The following B3GALT1 variants were observed in gnomAD, a reference collection of about 807,000 sequenced individuals.
B3GALT1 encodes UDP-Gal:betaGlcNAc beta 1,3-galactosyltransferase, polypeptide 1.
A neutral mutation model predicts 23.2 loss-of-function variants in B3GALT1; 10 were observed. The ratio of observed to expected loss-of-function variants is 0.43; its 90% CI spans 0.27 to 0.73. B3GALT1 has a LOEUF of 0.73. Among genes scored for constraint, B3GALT1 ranks in the 30% least tolerant of loss-of-function variants. B3GALT1 has a pLI of 0.21. For synonymous variants in B3GALT1, 156 were observed against 141.5 expected (o/e 1.10, Z -0.73); for missense variants, 299 against 405.4 (o/e 0.74, Z 2.25).
In B3GALT1 at chr2:167,814,182, C is replaced by T. The variant is rs545427172; in HGVS notation, c.-351-4490C>T. ...TACTTTATTCAGGATATTGTTTGATCGTTCTAGTACTTATTAGATACTTCT... is the reference window on the plus strand; with the variant it reads ...TACTTTATTCAGGATATTGTTTGATTGTTCTAGTACTTATTAGATACTTCT... On this transcript the variant is annotated intron_variant, in intron 3 of 4. Transcript: ENST00000392690. Among the ~76,000 whole-genome samples the T allele has an allele frequency of 3.3e-5, 5 of 152,244 alleles. No homozygotes were observed. The South Asian group carries it at 8.3e-4, about 25-fold the overall frequency.
chr2:167,525,688 C>T (rs1304650028), intron 2 of B3GALT1, among the ~76,000 whole-genome samples: 1 of 151,602 alleles, frequency 6.6e-6, no homozygotes, highest in Non-Finnish European at 1.5e-5. Flanking sequence ...GGCTGGAGTT[C>T]AGTGACACGT....
At chr2:167,660,795 G>A (rs1686047715) in intron 3 of B3GALT1, among the ~76,000 whole-genome samples, 1 of 152,166 alleles carries the variant, frequency 6.6e-6, no homozygotes, top group East Asian at 1.9e-4. Flanking sequence ...CATAACTATA[G>A]GTTGACAGTG....
At chr2:167,333,014 C>T (rs1193180107) in intron 1 of B3GALT1, among the ~76,000 whole-genome samples, 1 of 152,188 alleles carries the variant, frequency 6.6e-6, no homozygotes, top group Non-Finnish European at 1.5e-5. Flanking sequence ...CTTTCACAAG[C>T]ATACCTTTCC....
intron 3 of B3GALT1, among the ~76,000 whole-genome samples, chr2:167,672,664 C>T (rs1434308716): frequency 6.6e-6 from 1 of 152,088 alleles, no homozygotes; most frequent in Non-Finnish European, 1.5e-5. Context: ...ATCAAAAGTA[C>T]TTACCTTTAG....
intron 3 of B3GALT1, among the ~76,000 whole-genome samples, chr2:167,691,680 G>A (rs745759915): frequency 4.6e-5 from 7 of 152,228 alleles, no homozygotes; most frequent in African/African-American, 1.2e-4. Flanking sequence ...GTTGTGTAAT[G>A]TGTATTTGCT....
chr2:167,656,412 A>T (rs1270480944), intron 3 of B3GALT1, among the ~76,000 whole-genome samples: 1 of 152,144 alleles, frequency 6.6e-6, no homozygotes, highest in African/African-American at 2.4e-5. Context: ...GAAAAGAGAA[A>T]TTTTCAGGAC....
At chr2:167,549,551 T>TA (rs1683708553) in intron 2 of B3GALT1, among the ~76,000 whole-genome samples, 1 of 152,224 alleles carries the variant, frequency 6.6e-6, no homozygotes, top group Non-Finnish European at 1.5e-5. Context: ...GTTCAATTCT[T>TA]ACCTACATCT....
chr2:167,512,220 T>G (rs1173768644), intron 2 of B3GALT1, among the ~76,000 whole-genome samples: 1 of 151,984 alleles, frequency 6.6e-6, no homozygotes, highest in Non-Finnish European at 1.5e-5. Context: ...CCATTAAAAA[T>G]GATGCTTGCT....
rs144353748 is a variant in B3GALT1 at position 167,650,507 on chromosome 2, A to G, written c.-352+3541A>G. Among the ~76,000 whole-genome samples the G allele has an allele frequency of 2.6e-4, 39 of 151,850 alleles. No individual in the cohort carries two copies. In the East Asian group the frequency reaches 7.4e-3, roughly 29 times the overall value. On this transcript the variant is annotated intron_variant, in intron 3 of 4. Coordinates refer to ENST00000392690, the MANE Select transcript of B3GALT1 (RefSeq NM_020981.4). ...AGTTTTCCTTTTTTGTGATGTCTTTATCTGGCTCTGATATCAAGATAATGT... is the reference window on the plus strand; with the variant it reads ...AGTTTTCCTTTTTTGTGATGTCTTTGTCTGGCTCTGATATCAAGATAATGT...
chr2:167,651,372 T>C (rs1262612394), intron 3 of B3GALT1, among the ~76,000 whole-genome samples: 2 of 152,072 alleles, frequency 1.3e-5, no homozygotes, highest in Non-Finnish European at 2.9e-5. Context: ...GTCCAGACAG[T>C]ACTACCCATA....
chr2:167,433,798 C>T lies in B3GALT1; in HGVS notation c.-510-56379C>T, dbSNP rs189261569. Among the ~76,000 whole-genome samples, 626 of 152,192 alleles carry T rather than the reference C, an allele frequency of 4.1e-3. 1 individual carries two copies. The highest frequency in any genetic ancestry group is 6.2e-3 in the Admixed American group (95 of 15,288). Reference sequence around the variant, plus strand: ...GTAATAGGCCAGGTGAGGTGGATCACGCCTGTAATTACAGCACTTGGGGAG... The same window carrying T: ...GTAATAGGCCAGGTGAGGTGGATCATGCCTGTAATTACAGCACTTGGGGAG... On this transcript the variant is annotated intron_variant, in intron 1 of 4. Coordinates refer to ENST00000392690, the MANE Select transcript of B3GALT1 (RefSeq NM_020981.4).
intron 1 of B3GALT1, among the ~76,000 whole-genome samples, chr2:167,342,721 C>T (rs964182032): frequency 3.3e-5 from 5 of 152,058 alleles, no homozygotes; most frequent in African/African-American, 1.2e-4. Flanking sequence ...TCCTTTTCTG[C>T]ATTTTTTTTG....
At chr2:167,858,294 G>A (rs1024803967) in intron 4 of B3GALT1, among the ~76,000 whole-genome samples, 2 of 149,356 alleles carry the variant, frequency 1.3e-5, no homozygotes, top group African/African-American at 4.9e-5. Flanking sequence ...TTATGAAAAC[G>A]GTCAACTGGA....
intron 4 of B3GALT1, among the ~76,000 whole-genome samples, chr2:167,864,729 G>C (rs534547826): frequency 6.6e-6 from 1 of 152,264 alleles, no homozygotes; most frequent in East Asian, 1.9e-4. Context: ...GTGTGATCTT[G>C]AGCAAGCTAC....
At chr2:167,338,133 T>G (rs1312449838) in intron 1 of B3GALT1, among the ~76,000 whole-genome samples, 4 of 152,152 alleles carry the variant, frequency 2.6e-5, no homozygotes, top group Non-Finnish European at 5.9e-5. Flanking sequence ...TTAGGAAAAT[T>G]TAATAAGGTC....
chr2:167,405,871 C>T (rs1698265387), intron 1 of B3GALT1, among the ~76,000 whole-genome samples: 1 of 151,968 alleles, frequency 6.6e-6, no homozygotes, highest in African/African-American at 2.4e-5. Flanking sequence ...GAATTATATA[C>T]TCTAAGGACT....
chr2:167,411,708 C>G (rs1698395458), intron 1 of B3GALT1, among the ~76,000 whole-genome samples: 1 of 152,144 alleles, frequency 6.6e-6, no homozygotes, highest in African/African-American at 2.4e-5. Flanking sequence ...AATCACAGTA[C>G]TAGGCATATA....
intron 2 of B3GALT1, among the ~76,000 whole-genome samples, chr2:167,569,055 G>C (rs184214494): frequency 2.4e-4 from 36 of 151,790 alleles, no homozygotes; most frequent in African/African-American, 8.4e-4. Context: ...CTTTTTCTGG[G>C]TTCTTTATTC....
At position 167,870,701 on chromosome 2, in the gene B3GALT1, A is replaced by AT. The variant is rs150091257; in HGVS notation, c.*691dup. 4.9e-4 allele frequency: 80 copies of AT among 164,168 alleles called. No individual in the cohort carries two copies. The East Asian group carries it at 7.4e-3, about 15-fold the overall frequency. 10.2% of individuals were successfully genotyped at this position (164,168 alleles called of 1,614,324 possible). ...TGCTACTTAACAAAGTAAACAAAAG[A>AT]TTTTTTTTTTCTTTTTTTTTCTTTC... is the stretch of plus-strand genomic sequence containing the variant. On this transcript the variant is annotated 3_prime_UTR_variant, in exon 5 of 5. Coordinates refer to ENST00000392690, the MANE Select transcript of B3GALT1 (RefSeq NM_020981.4).
Sources: allele counts gnomAD v4.1 joint callset (sites outside exome capture counted in the v4.1 genomes callset), GRCh38; gene constraint gnomAD v4.1.1; transcripts MANE v1.5; gene names NCBI Gene and HGNC (gene_info 2026-07-23, HGNC 2026-07-21).